NPHP1: variants seen among roughly 807,000 people sequenced by gnomAD.
NPHP1 encodes the protein nephrocystin 1, also known as nephrocystin-1.
NPHP1 carries 70 observed loss-of-function variants against 90.4 expected under a neutral mutation model. That is an observed-to-expected ratio of 0.77 (90% CI 0.64 to 0.95). NPHP1 has a LOEUF of 0.95. NPHP1 is among the 40% of genes least tolerant of loss of function. The probability of loss-of-function intolerance (pLI) is 0.00; values close to 1 mark genes in which losing one functional copy is unlikely to be tolerated. For missense variants in NPHP1, 764 were observed against 795.9 expected (o/e 0.96, Z 0.48); for synonymous variants, 256 against 271.7 (o/e 0.94, Z 0.57).
intron 16 of NPHP1, among the ~76,000 whole-genome samples, chr2:110,141,096 T>A (rs1035049338): frequency 6.6e-6 from 1 of 152,184 alleles, no homozygotes; most frequent in Non-Finnish European, 1.5e-5. Flanking sequence ...CCTCTTGGCC[T>A]TGTGCCTCCT....
intron 14 of NPHP1, among the ~76,000 whole-genome samples, chr2:110,146,082 G>C (rs1681023952): frequency 6.6e-6 from 1 of 152,128 alleles, no homozygotes; most frequent in Non-Finnish European, 1.5e-5. Flanking sequence ...GCTGGGACTG[G>C]AGCCCAAAAT....
Position 110,144,581 on chromosome 2 carries a change from T to TAAC in NPHP1, c.1353-15_1353-13dup, listed in dbSNP as rs1381173394. ...AAAGCTCATAAGTTCTATAAAAGAATAACATACAATGACAGATATAAGCTG... is the reference window on the plus strand; with the variant it reads ...AAAGCTCATAAGTTCTATAAAAGAATAACAACATACAATGACAGATATAAGCTG... On this transcript the variant is annotated splice_polypyrimidine_tract_variant and intron_variant, in intron 14 of 19. Coordinates refer to ENST00000445609, the MANE Select transcript of NPHP1 (RefSeq NM_001128178.3). 1 of 1,485,884 alleles carries TAAC rather than the reference T, an allele frequency of 6.7e-7. No individual in the cohort carries two copies. The highest frequency in any genetic ancestry group is 1.4e-5 in the African/African-American group (1 of 72,502). 92.0% of individuals were successfully genotyped at this position (1,485,884 alleles called of 1,614,324 possible). A position where few individuals can be genotyped will look rare whatever the true frequency, so the allele number is the denominator to read the frequency against.
chr2:110,129,850 ATC>A lies in NPHP1; in HGVS notation c.1643-593_1643-592del, dbSNP rs1679657487. Among the ~76,000 whole-genome samples the A allele has an allele frequency of 2.6e-5, 4 of 152,324 alleles. No homozygotes were observed. In the South Asian group the frequency reaches 8.3e-4, roughly 32 times the overall value. On this transcript the variant is annotated intron_variant, in intron 17 of 19. Transcript: ENST00000445609. The stretch of plus-strand genomic sequence containing the variant: ...CACAATAGATAACAGCACATGAAAA[ATC>A]TGTGCAAAGAAGCACATCAGGAAAG...
At chr2:110,142,749 G>A (rs1680740857) in intron 16 of NPHP1, among the ~76,000 whole-genome samples, 1 of 152,144 alleles carries the variant, frequency 6.6e-6, no homozygotes, top group Admixed American at 6.6e-5. Flanking sequence ...CTAATACAAA[G>A]CCTATTTTGT....
intron 2 of NPHP1, among the ~76,000 whole-genome samples, chr2:110,186,886 C>G (rs766356045): frequency 2.0e-4 from 31 of 152,046 alleles, no homozygotes; most frequent in Non-Finnish European, 4.1e-4. Context: ...CAAAATCACA[C>G]AACTACAAGG....
At chr2:110,184,847 GC>G in intron 2 of NPHP1, 1 of 703,406 alleles carries the variant, frequency 1.4e-6, no homozygotes. Flanking sequence ...CCAATTCCGG[GC>G]CCCTGAGCTG....
intron 2 of NPHP1, chr2:110,185,253 T>C: frequency 8.2e-6 from 4 of 487,490 alleles, no homozygotes; most frequent in Admixed American, 4.2e-5. Flanking sequence ...AGTCAGAGTG[T>C]TTGTGAGGAA....
intron 1 of NPHP1, among the ~76,000 whole-genome samples, chr2:110,203,098 A>G (rs1383615395): frequency 6.6e-6 from 1 of 152,204 alleles, no homozygotes; most frequent in Admixed American, 6.5e-5. Flanking sequence ...ACCATAAAAA[A>G]GAATGAAATC....
chr2:110,186,988 C>A (rs1211440726), intron 2 of NPHP1, among the ~76,000 whole-genome samples: 2 of 152,004 alleles, frequency 1.3e-5, no homozygotes, highest in Non-Finnish European at 2.9e-5. Flanking sequence ...AACAAAGAGA[C>A]AACGTATCAG....
At chr2:110,151,228 T>G (rs1436068810) in intron 11 of NPHP1, among the ~76,000 whole-genome samples, 1 of 150,608 alleles carries the variant, frequency 6.6e-6, no homozygotes, top group Non-Finnish European at 1.5e-5. Context: ...AGTTCATTAC[T>G]CTGTCACTAA....
intron 16 of NPHP1, among the ~76,000 whole-genome samples, chr2:110,134,626 G>A (rs893530417): frequency 6.6e-6 from 1 of 150,890 alleles, no homozygotes; most frequent in African/African-American, 2.4e-5. Context: ...ACATTAAAAA[G>A]CTTGTACACC....
chr2:110,144,567 G>GTTCTATAAA lies in NPHP1; in HGVS notation c.1353-7_1354dup (p.Lys451_Thr452insIleTyrArg). On this transcript the variant is annotated inframe_insertion and splice_region_variant, in exon 15 of 20. Transcript: ENST00000445609. Reference sequence around the variant, plus strand: ...ACCACCATTCAAGAAAAGCTCATAAGTTCTATAAAAGAATAACATACAATG... The same window carrying GTTCTATAAA: ...ACCACCATTCAAGAAAAGCTCATAAGTTCTATAAATTCTATAAAAGAATAACATACAATG... 1 of 1,580,000 alleles carries GTTCTATAAA rather than the reference G, an allele frequency of 6.3e-7. No homozygotes were observed. Among genetic ancestry groups the GTTCTATAAA allele is most frequent in the Non-Finnish European group, 8.7e-7 (1 of 1,149,146 alleles).
intron 11 of NPHP1, 73 bp from the exon 12 acceptor site, chr2:110,150,329 A>G (rs1381197907): frequency 7.3e-7 from 1 of 1,366,230 alleles, no homozygotes; most frequent in East Asian, 2.3e-5. Flanking sequence ...TGTCCCAAAG[A>G]GTTAACAGTG....
chr2:110,179,497 C>G, intron 3 of NPHP1, 127 bp downstream of exon 3: 2 of 597,856 alleles, frequency 3.3e-6, no homozygotes, highest in Non-Finnish European at 6.2e-6. Context: ...CAAGCCAGCA[C>G]TGGCTGCAGT....
intron 11 of NPHP1, among the ~76,000 whole-genome samples, chr2:110,151,465 G>A (rs1681467707): frequency 6.6e-6 from 1 of 152,078 alleles, no homozygotes; most frequent in Non-Finnish European, 1.5e-5. Flanking sequence ...ATGGATAATA[G>A]TTAATTTTTA....
At chr2:110,164,229 G>T (rs1682547644) in intron 8 of NPHP1, 4 of 409,850 alleles carry the variant, frequency 9.8e-6, no homozygotes, top group South Asian at 4.7e-5. Flanking sequence ...GTAGGATAGG[G>T]TCTCACTATG....
At chr2:110,158,113 T>C (rs1481021640) in intron 11 of NPHP1, among the ~76,000 whole-genome samples, 1 of 152,160 alleles carries the variant, frequency 6.6e-6, no homozygotes, top group East Asian at 1.9e-4. Context: ...TATTTTTCCA[T>C]TTATCTTCCT....
intron 4 of NPHP1, among the ~76,000 whole-genome samples, chr2:110,175,040 C>G (rs1185656613): frequency 6.6e-6 from 1 of 151,994 alleles, no homozygotes; most frequent in Non-Finnish European, 1.5e-5. Flanking sequence ...AACAGTAACA[C>G]AAGGTTGTAT....
Position 110,205,001 on chromosome 2 carries a change from T to C in NPHP1, c.-33A>G, listed in dbSNP as rs1347614899. On this transcript the variant is annotated 5_prime_UTR_variant, in exon 1 of 20. Transcript: ENST00000445609. Reference sequence around the variant, plus strand: ...GCTGCGGTGCTCTGATTGCTCCAGTTGCCAGGGAAACCAACCGGCGGCGCC... The same window carrying C: ...GCTGCGGTGCTCTGATTGCTCCAGTCGCCAGGGAAACCAACCGGCGGCGCC... The C allele has an allele frequency of 1.9e-6, 3 of 1,612,174 alleles. No homozygotes were observed. The highest frequency in any genetic ancestry group is 2.7e-5 in the African/African-American group (2 of 74,912).
Sources: allele counts gnomAD v4.1 joint callset (sites outside exome capture counted in the v4.1 genomes callset), GRCh38; gene constraint gnomAD v4.1.1; transcripts MANE v1.5; gene names NCBI Gene and HGNC (gene_info 2026-07-23, HGNC 2026-07-21).